The following CELF4 variants were observed in gnomAD, a reference collection of about 807,000 sequenced individuals.
The protein encoded by CELF4 is CUGBP Elav-like family member 4.
Under a neutral mutation model 59.9 loss-of-function variants are expected in CELF4, and 18 were observed. The observed-to-expected ratio is 0.30, with a 90% confidence interval of 0.21 to 0.45. CELF4 has a LOEUF of 0.45. Among genes scored for constraint, CELF4 ranks in the 20% least tolerant of loss-of-function variants. The pLI is 1.00. For synonymous variants in CELF4, 261 were observed against 267.1 expected (o/e 0.98, Z 0.22); for missense variants, 456 against 689.0 (o/e 0.66, Z 3.79).
At chr18:37,547,009 G>A (rs1482512348) in intron 1 of CELF4, among the ~76,000 whole-genome samples, 2 of 152,168 alleles carry the variant, frequency 1.3e-5, no homozygotes, top group Non-Finnish European at 2.9e-5. Context: ...CTTCCAAATG[G>A]TCAGCTTATC....
chr18:37,485,483 GT>G, intron 2 of CELF4, 41 bp downstream of exon 2: 1 of 1,248,046 alleles, frequency 8.0e-7, no homozygotes, highest in African/African-American at 1.6e-5. Context: ...GTCGCCCCCT[GT>G]CGGCGCGTCG....
rs190811681 is a variant in CELF4, at chr18:37,331,239, A to T, written c.370-9358T>A. Among the ~76,000 whole-genome samples, 15 of 152,200 alleles carry T rather than the reference A, an allele frequency of 9.9e-5. No individual in the cohort carries two copies. In the East Asian group the frequency reaches 2.9e-3, roughly 30 times the overall value. Reference sequence around the variant, plus strand: ...GGTTGTGTCAGGGTAATCTGCAGACATGTCTCACCATCTCCCCATACTGGC... The same window carrying T: ...GGTTGTGTCAGGGTAATCTGCAGACTTGTCTCACCATCTCCCCATACTGGC... On this transcript the variant is annotated intron_variant, in intron 2 of 12. Transcript: ENST00000420428.
At chr18:37,554,849 G>T (rs2099984311) in intron 1 of CELF4, among the ~76,000 whole-genome samples, 1 of 152,278 alleles carries the variant, frequency 6.6e-6, no homozygotes, top group East Asian at 1.9e-4. Context: ...AGGGGTCCAG[G>T]ACTGCCCCAA....
chr18:37,337,172 G>A (rs889646430), intron 2 of CELF4, among the ~76,000 whole-genome samples: 2 of 152,270 alleles, frequency 1.3e-5, no homozygotes, highest in Admixed American at 1.3e-4. Context: ...CTGGGGTCTG[G>A]TGAGCAGGAC....
At chr18:37,417,668 T>G (rs547446820) in intron 2 of CELF4, among the ~76,000 whole-genome samples, 1 of 152,154 alleles carries the variant, frequency 6.6e-6, no homozygotes, top group African/African-American at 2.4e-5. Flanking sequence ...TCAGGTCAAA[T>G]AGGAGAGAGA....
intron 1 of CELF4, among the ~76,000 whole-genome samples, chr18:37,488,092 G>C (rs961538219): frequency 6.6e-6 from 1 of 152,010 alleles, no homozygotes; most frequent in African/African-American, 2.4e-5. Context: ...CCTCTTCCCA[G>C]AACGGCACCC....
intron 2 of CELF4, among the ~76,000 whole-genome samples, chr18:37,467,234 T>C (rs963599762): frequency 6.6e-6 from 1 of 152,166 alleles, no homozygotes; most frequent in South Asian, 2.1e-4. Flanking sequence ...TTAGGTTAAA[T>C]AGAGTACTTC....
chr18:37,537,965 T>C (rs532675443), intron 1 of CELF4, among the ~76,000 whole-genome samples: 2 of 152,328 alleles, frequency 1.3e-5, no homozygotes, highest in East Asian at 1.9e-4. Flanking sequence ...GCACAGACAT[T>C]TGTGCCCTGT....
chr18:37,293,671 G>A (rs925602509), intron 3 of CELF4, among the ~76,000 whole-genome samples: 2 of 152,198 alleles, frequency 1.3e-5, no homozygotes, highest in African/African-American at 2.4e-5. Context: ...GACAGGCCAA[G>A]TCATGCTGAG....
At position 37,478,297 on chromosome 18, in the gene CELF4, G is replaced by A. The variant is rs530036652; in HGVS notation, c.369+7228C>T. 8.1e-4 allele frequency among the ~76,000 whole-genome samples: 124 copies of A among 152,314 alleles called. 1 individual carries two copies. Among genetic ancestry groups the A allele is most frequent in the African/African-American group, 2.6e-3 (109 of 41,568 alleles). On this transcript the variant is annotated intron_variant, in intron 2 of 12. Coordinates refer to ENST00000420428, the MANE Select transcript of CELF4 (RefSeq NM_020180.4). ...TGCCCAGACCACGTGGCTTGTTGGT[G>A]GCAGGCTGGACCTGGCCCAGGTTCC...
chr18:37,300,711 C>T (rs921899024), intron 3 of CELF4, among the ~76,000 whole-genome samples: 5 of 152,212 alleles, frequency 3.3e-5, no homozygotes, highest in South Asian at 4.1e-4. Flanking sequence ...AAGAAACAAT[C>T]AGGGTAGTGA....
intron 2 of CELF4, among the ~76,000 whole-genome samples, chr18:37,425,518 A>G (rs10048364): frequency 0.26 from 39,798 of 152,240 alleles, 5,548 homozygotes; most frequent in Non-Finnish European, 0.31. Flanking sequence ...CTGAGACCCA[A>G]AGAATTCATA....
chr18:37,557,986 C>T (rs1198246722), intron 1 of CELF4, among the ~76,000 whole-genome samples: 1 of 146,272 alleles, frequency 6.8e-6, no homozygotes, highest in Admixed American at 7.2e-5. Context: ...GTCCTGAAAA[C>T]ATCCCTTTTA....
chr18:37,340,707 T>A (rs1428129996), intron 2 of CELF4, among the ~76,000 whole-genome samples: 1 of 152,214 alleles, frequency 6.6e-6, no homozygotes. Context: ...TAGTCACAAC[T>A]AAAGAAGTCT....
chr18:37,415,935 C>G (rs2099524033), intron 2 of CELF4, among the ~76,000 whole-genome samples: 1 of 152,214 alleles, frequency 6.6e-6, no homozygotes, highest in Admixed American at 6.5e-5. Context: ...GAACGAGGCT[C>G]TGTCACTTAA....
At chr18:37,548,363 G>A (rs933914498) in intron 1 of CELF4, among the ~76,000 whole-genome samples, 2 of 152,208 alleles carry the variant, frequency 1.3e-5, no homozygotes, top group African/African-American at 4.8e-5. Flanking sequence ...AACCTCAGTC[G>A]AGTTACTGCT....
At chr18:37,315,269 G>T (rs891304106) in intron 3 of CELF4, among the ~76,000 whole-genome samples, 1 of 152,128 alleles carries the variant, frequency 6.6e-6, no homozygotes, top group African/African-American at 2.4e-5. Context: ...GACAAAGGGA[G>T]CCCACAGGAC....
chr18:37,290,827 T>TCTC (rs1412160379), intron 3 of CELF4, among the ~76,000 whole-genome samples: 1 of 152,310 alleles, frequency 6.6e-6, no homozygotes, highest in South Asian at 2.1e-4. Context: ...CTTCCCCTCT[T>TCTC]CTCCTCCTCC....
intron 2 of CELF4, among the ~76,000 whole-genome samples, chr18:37,471,865 G>T (rs900202698): frequency 3.3e-5 from 5 of 152,198 alleles, no homozygotes; most frequent in Admixed American, 1.3e-4. Flanking sequence ...CGTTCCAGCT[G>T]CTGGATGCCA....
Sources: allele counts gnomAD v4.1 joint callset (sites outside exome capture counted in the v4.1 genomes callset), GRCh38; gene constraint gnomAD v4.1.1; transcripts MANE v1.5; gene names NCBI Gene and HGNC (gene_info 2026-07-23, HGNC 2026-07-21).